Variants in BICC1 observed in about 807,000 individuals in gnomAD.
BICC1 encodes protein bicaudal C homolog 1.
Under a neutral mutation model 111.0 loss-of-function variants are expected in BICC1, and 43 were observed. The observed-to-expected ratio is 0.39, with a 90% CI of 0.30 to 0.50. The LOEUF is 0.50. Among genes scored for constraint, BICC1 ranks in the 20% least tolerant of loss-of-function variants. The pLI is 0.88. For synonymous variants in BICC1, 467 were observed against 434.4 expected (o/e 1.07, Z -0.93); for missense variants, 1,091 against 1,203.2 (o/e 0.91, Z 1.38).
chr10:58,821,625 A>G (rs961835277), intron 20 of BICC1, among the ~76,000 whole-genome samples: 5 of 152,120 alleles, frequency 3.3e-5, no homozygotes, highest in East Asian at 1.9e-4. Context: ...ATAGAGTTCT[A>G]CACTCATCAG....
chr10:58,778,455 AT>A (rs1357334260), intron 3 of BICC1, among the ~76,000 whole-genome samples: 5 of 152,178 alleles, frequency 3.3e-5, no homozygotes, highest in African/African-American at 1.2e-4. Context: ...TATATGTATT[AT>A]ATACAGTAGT....
intron 2 of BICC1, among the ~76,000 whole-genome samples, chr10:58,670,663 T>C (rs143888568): frequency 2.6e-5 from 4 of 152,298 alleles, no homozygotes; most frequent in East Asian, 1.9e-4. Context: ...GGAAAAGATA[T>C]ACATTTAGAT....
intron 3 of BICC1, among the ~76,000 whole-genome samples, chr10:58,759,691 G>A (rs1221454358): frequency 6.6e-6 from 1 of 152,096 alleles, no homozygotes; most frequent in Non-Finnish European, 1.5e-5. Context: ...CTGGCGCGGT[G>A]GCTCACACCT....
intron 3 of BICC1, among the ~76,000 whole-genome samples, chr10:58,761,994 T>G (rs945583030): frequency 1.3e-5 from 2 of 152,184 alleles, no homozygotes; most frequent in African/African-American, 2.4e-5. Flanking sequence ...TTTGTAGGTA[T>G]GAGTCCAGGA....
chr10:58,717,531 T>C (rs564385992), intron 3 of BICC1, among the ~76,000 whole-genome samples: 1 of 152,252 alleles, frequency 6.6e-6, no homozygotes, highest in South Asian at 2.1e-4. Context: ...AAATAAGAGT[T>C]AAAAAAATAA....
chr10:58,583,289 A>G (rs1844331477), intron 1 of BICC1, among the ~76,000 whole-genome samples: 1 of 151,890 alleles, frequency 6.6e-6, no homozygotes, highest in Non-Finnish European at 1.5e-5. Context: ...TATATGGATA[A>G]ATTCTTCAGT....
At chr10:58,719,280 T>G (rs1840861187) in intron 3 of BICC1, among the ~76,000 whole-genome samples, 1 of 152,160 alleles carries the variant, frequency 6.6e-6, no homozygotes, top group Admixed American at 6.5e-5. Flanking sequence ...CAACATTGAT[T>G]TATATTTTGT....
At chr10:58,557,464 CCTT>C (rs1261966567) in intron 1 of BICC1, among the ~76,000 whole-genome samples, 1 of 151,426 alleles carries the variant, frequency 6.6e-6, no homozygotes, top group African/African-American at 2.4e-5. Flanking sequence ...TTCTGTTTCT[CCTT>C]CATTGGGAAC....
At chr10:58,741,127 T>A (rs545601167) in intron 3 of BICC1, among the ~76,000 whole-genome samples, 25 of 152,282 alleles carry the variant, frequency 1.6e-4, no homozygotes, top group African/African-American at 6.0e-4. Context: ...CATTTGTATT[T>A]TAGATTTCTG....
chr10:58,806,654 C>T, intron 16 of BICC1, 31 bp downstream of exon 16: 1 of 1,560,442 alleles, frequency 6.4e-7, no homozygotes, highest in Non-Finnish European at 8.8e-7. Flanking sequence ...TTACACTTGA[C>T]TATATTTTAG....
At chr10:58,796,630 T>C (rs1375542256) in intron 10 of BICC1, 104 bp downstream of exon 10, 5 of 1,110,536 alleles carry the variant, frequency 4.5e-6, no homozygotes, top group South Asian at 1.8e-5. Flanking sequence ...TATTTTTTTT[T>C]CCTTTGGGCT....
intron 2 of BICC1, among the ~76,000 whole-genome samples, chr10:58,654,898 T>C (rs1367751722): frequency 3.6e-5 from 5 of 140,124 alleles, no homozygotes; most frequent in African/African-American, 5.3e-5. Flanking sequence ...GCTTTCTCCA[T>C]ATGGCTAGCC....
chr10:58,672,639 A>C (rs1264265811), intron 2 of BICC1, among the ~76,000 whole-genome samples: 4 of 152,202 alleles, frequency 2.6e-5, no homozygotes, highest in Non-Finnish European at 5.9e-5. Context: ...TGTATGTACT[A>C]TAAGCCTCAC....
chr10:58,602,370 T>C lies in BICC1; in HGVS notation c.191-18485T>C, dbSNP rs145226836. 4.4e-4 allele frequency among the ~76,000 whole-genome samples: 67 copies of C among 152,316 alleles called. 1 individual carries two copies. In the East Asian group the frequency reaches 0.012, roughly 28 times the overall value. On this transcript the variant is annotated intron_variant, in intron 1 of 20. Transcript: ENST00000373886. ...AGGAAATCGAGGTAACATTATGTTA[T>C]AACTTTTATGCTAGGCCAAAGACTA...
At chr10:58,597,716 T>G (rs575641055) in intron 1 of BICC1, among the ~76,000 whole-genome samples, 1 of 151,972 alleles carries the variant, frequency 6.6e-6, no homozygotes, top group African/African-American at 2.4e-5. Context: ...TTTCCCAGGG[T>G]ATTAATATTA....
intron 2 of BICC1, among the ~76,000 whole-genome samples, chr10:58,687,878 G>C (rs1051375502): frequency 6.6e-6 from 1 of 152,176 alleles, no homozygotes; most frequent in Non-Finnish European, 1.5e-5. Flanking sequence ...ACAAGCCCCA[G>C]TGAGATGAAC....
chr10:58,597,700 C>T (rs574362571), intron 1 of BICC1, among the ~76,000 whole-genome samples: 204 of 152,188 alleles, frequency 1.3e-3, no homozygotes, highest in South Asian at 3.9e-3. Context: ...CCCAGGAATG[C>T]ATTCCTTTCC....
chr10:58,551,874 C>T (rs551560159), intron 1 of BICC1, among the ~76,000 whole-genome samples: 1 of 151,980 alleles, frequency 6.6e-6, no homozygotes, highest in Admixed American at 6.5e-5. Context: ...GAAAGTAATA[C>T]AGATGTTTAG....
intron 15 of BICC1, among the ~76,000 whole-genome samples, chr10:58,805,572 G>T (rs1056571012): frequency 6.6e-6 from 1 of 152,136 alleles, no homozygotes; most frequent in East Asian, 1.9e-4. Context: ...CTGACACATG[G>T]CTATGTTTTT....
Sources: gnomAD v4.1 joint callset for allele counts (sites outside exome capture counted in the v4.1 genomes callset) on GRCh38, gnomAD v4.1.1 for gene constraint, MANE v1.5 for transcripts, NCBI Gene and HGNC (gene_info 2026-07-23, HGNC 2026-07-21) for gene names.